The following DUSP16 variants were observed in gnomAD, a reference collection of about 807,000 sequenced individuals.
The protein encoded by DUSP16 is dual specificity phosphatase 16, also known as dual specificity protein phosphatase 16.
In DUSP16, 21 loss-of-function variants were observed where a neutral mutation model predicts 58.3. The observed-to-expected ratio is 0.36, with a 90% CI of 0.26 to 0.52. The LOEUF is 0.52. Ranked by LOEUF, DUSP16 falls within the 20% of genes least tolerant of loss-of-function variation. DUSP16 has a pLI of 0.94. For missense variants in DUSP16, 726 were observed against 819.0 expected (o/e 0.89, Z 1.39); for synonymous variants, 320 against 323.8 (o/e 0.99, Z 0.12).
chr12:12,533,670 T>A (rs1400012789), intron 1 of DUSP16, among the ~76,000 whole-genome samples: 2 of 152,204 alleles, frequency 1.3e-5, no homozygotes, highest in Non-Finnish European at 2.9e-5. Context: ...CTTTGCTCCA[T>A]GAGGGCAAAA....
intron 1 of DUSP16, among the ~76,000 whole-genome samples, chr12:12,529,625 G>C (rs1421723813): frequency 6.6e-6 from 1 of 152,084 alleles, no homozygotes; most frequent in Non-Finnish European, 1.5e-5. Flanking sequence ...CTGTACAATA[G>C]ATCCTTGAAC....
At chr12:12,513,135 G>A (rs946072327) in intron 3 of DUSP16, among the ~76,000 whole-genome samples, 7 of 152,280 alleles carry the variant, frequency 4.6e-5, no homozygotes, top group Non-Finnish European at 7.4e-5. Context: ...AACTCAAAAC[G>A]AAGAAATGAG....
intron 1 of DUSP16, among the ~76,000 whole-genome samples, chr12:12,532,109 G>A (rs997330059): frequency 6.6e-6 from 1 of 152,122 alleles, no homozygotes; most frequent in East Asian, 1.9e-4. Flanking sequence ...AGTGAGCCGA[G>A]ATTGCGCCAC....
At chr12:12,559,488 C>T (rs1441238337) in intron 1 of DUSP16, among the ~76,000 whole-genome samples, 2 of 152,130 alleles carry the variant, frequency 1.3e-5, no homozygotes, top group African/African-American at 4.8e-5. Flanking sequence ...GTACCTTTTG[C>T]TTGAGAACTT....
At chr12:12,506,178 A>T (rs897079293) in intron 3 of DUSP16, 1 of 152,320 alleles carries the variant, frequency 6.6e-6, no homozygotes, top group African/African-American at 2.4e-5. Context: ...TGGACCTCTA[A>T]AAACTAACTG....
intron 3 of DUSP16, among the ~76,000 whole-genome samples, chr12:12,510,658 C>G (rs1214614192): frequency 6.6e-6 from 1 of 152,158 alleles, no homozygotes. Flanking sequence ...AGACAGAGAG[C>G]CTTCTCTGGA....
intron 1 of DUSP16, among the ~76,000 whole-genome samples, chr12:12,528,100 C>T (rs1436169817): frequency 6.6e-6 from 1 of 152,142 alleles, no homozygotes; most frequent in Non-Finnish European, 1.5e-5. Flanking sequence ...AGTACTGCTT[C>T]CTGTTTATGA....
At chr12:12,516,160 T>C (rs1767580094) in intron 3 of DUSP16, among the ~76,000 whole-genome samples, 2 of 150,676 alleles carry the variant, frequency 1.3e-5, no homozygotes, top group African/African-American at 2.5e-5. Context: ...TTTGTTTTTT[T>C]AGAGACAGGC....
chr12:12,535,819 AAG>A (rs1339754293), intron 1 of DUSP16, among the ~76,000 whole-genome samples: 2 of 152,228 alleles, frequency 1.3e-5, no homozygotes, highest in Non-Finnish European at 2.9e-5. Flanking sequence ...CAGCAGAGAG[AAG>A]AGAGGAAGAT....
In DUSP16 at chr12:12,477,081, A is replaced by C; in HGVS notation, c.1750T>G (p.Cys584Gly). The C allele has an allele frequency of 6.2e-7, 1 of 1,614,274 alleles. No homozygotes were observed. The highest frequency in any genetic ancestry group is 8.5e-7 in the Non-Finnish European group (1 of 1,180,056). Residue 584 changes from cysteine to glycine, a missense_variant, in exon 7 of 7, where the codon TGC (cysteine) becomes GGC (glycine). Cys to Gly is a radical substitution (Grantham distance 159). Transcript: ENST00000298573. The surrounding 1 kb of genome is among the most constrained non-coding windows in gnomAD (Gnocchi z 4.1). ...GGSASYSAYS[C>G]SQLPTCGDQV... ...TCTCCGCAAGTGGGCAGCTGGCTGC[A>C]GCTGTAGGCAGAGTAACTGGCACTG...
At chr12:12,548,234 T>C (rs191020137) in intron 1 of DUSP16, among the ~76,000 whole-genome samples, 3 of 152,196 alleles carry the variant, frequency 2.0e-5, no homozygotes. Flanking sequence ...CAAGATGATA[T>C]ATAAATGGCC....
chr12:12,513,508 C>T lies in DUSP16; in HGVS notation c.367+6354G>A, dbSNP rs1245898754. ...CTCTGGAATTACTTGTGGATGTGGG[C>T]CTTGGGCAGCAAGAGCTTGGGAGAG... On this transcript the variant is annotated intron_variant, in intron 3 of 6. Coordinates refer to ENST00000298573, the MANE Select transcript of DUSP16 (RefSeq NM_030640.3). 9.9e-5 allele frequency among the ~76,000 whole-genome samples: 15 copies of T among 152,252 alleles called. No homozygotes were observed. The East Asian group carries it at 2.9e-3, about 29-fold the overall frequency.
At chr12:12,554,810 A>T (rs980214686) in intron 1 of DUSP16, among the ~76,000 whole-genome samples, 5 of 152,134 alleles carry the variant, frequency 3.3e-5, no homozygotes, top group African/African-American at 1.2e-4. Context: ...TCTCAATTAA[A>T]AAAAAAAAGT....
chr12:12,543,476 T>C (rs1270758959), intron 1 of DUSP16, among the ~76,000 whole-genome samples: 1 of 152,200 alleles, frequency 6.6e-6, no homozygotes, highest in Non-Finnish European at 1.5e-5. Flanking sequence ...AAAAAGTAAA[T>C]AGAATACACA....
intron 3 of DUSP16, among the ~76,000 whole-genome samples, chr12:12,515,003 G>A (rs190362831): frequency 6.6e-6 from 1 of 152,110 alleles, no homozygotes; most frequent in Non-Finnish European, 1.5e-5. Flanking sequence ...CTCCCAGGAA[G>A]TTGGTCTTCT....
intron 1 of DUSP16, among the ~76,000 whole-genome samples, chr12:12,529,006 G>A (rs1279547013): frequency 6.6e-6 from 1 of 152,180 alleles, no homozygotes; most frequent in Admixed American, 6.5e-5. Flanking sequence ...CCAAGATAAT[G>A]CTGAATTGGG....
chr12:12,491,383 G>A (rs1021987722), intron 4 of DUSP16: 2 of 151,796 alleles, frequency 1.3e-5, no homozygotes, highest in Admixed American at 6.6e-5. Context: ...AAACTGAGAT[G>A]GAACTATAAT....
At chr12:12,556,983 T>TGAC (rs1246764658) in intron 1 of DUSP16, among the ~76,000 whole-genome samples, 4 of 152,200 alleles carry the variant, frequency 2.6e-5, no homozygotes, top group African/African-American at 9.6e-5. Context: ...CTTCACTTTA[T>TGAC]GACACTATGG....
intron 1 of DUSP16, among the ~76,000 whole-genome samples, chr12:12,557,298 CA>C (rs557701460): frequency 1.6e-4 from 24 of 150,082 alleles, no homozygotes; most frequent in African/African-American, 4.9e-4. Context: ...TACTAAAATA[CA>C]AAAAAAAATT....
Sources: gnomAD v4.1 joint callset for allele counts (sites outside exome capture counted in the v4.1 genomes callset) on GRCh38, gnomAD v4.1.1 for gene constraint, Gnocchi (gnomAD v3.1) non-coding constraint, MANE v1.5 for transcripts, NCBI Gene and HGNC (gene_info 2026-07-23, HGNC 2026-07-21) for gene names.